The following GMDS variants were observed in gnomAD, a reference collection of about 807,000 sequenced individuals.
GMDS encodes GDP-mannose 4,6 dehydratase.
A neutral mutation model predicts 49.9 loss-of-function variants in GMDS; 20 were observed. The observed-to-expected ratio is 0.40, with a 90% CI of 0.28 to 0.58. The LOEUF (loss-of-function observed/expected upper bound fraction) is 0.58. Among genes scored for constraint, GMDS ranks in the 20% least tolerant of loss-of-function variants. The probability of loss-of-function intolerance (pLI) is 0.42; values close to 1 mark genes in which losing one functional copy is unlikely to be tolerated. For missense variants in GMDS, 362 were observed against 481.4 expected (o/e 0.75, Z 2.32); for synonymous variants, 177 against 178.6 (o/e 0.99, Z 0.07).
intron 4 of GMDS, among the ~76,000 whole-genome samples, chr6:2,060,709 G>C (rs1412891577): frequency 1.3e-5 from 2 of 152,142 alleles, no homozygotes; most frequent in Non-Finnish European, 2.9e-5. Flanking sequence ...ACAAGGTGAG[G>C]GAACACGTCA....
chr6:2,069,978 T>C (rs1008401086), intron 4 of GMDS, among the ~76,000 whole-genome samples: 74 of 151,888 alleles, frequency 4.9e-4, no homozygotes, highest in Admixed American at 5.9e-4. Context: ...CGTATGTTTA[T>C]TGCAGCATTA....
intron 4 of GMDS, among the ~76,000 whole-genome samples, chr6:2,058,981 G>T (rs1485544081): frequency 4.6e-5 from 7 of 152,022 alleles, no homozygotes; most frequent in Admixed American, 4.6e-4. Context: ...TTCAACACCA[G>T]CCTGGCCAAC....
intron 7 of GMDS, among the ~76,000 whole-genome samples, chr6:1,924,049 C>T (rs139219868): frequency 2.0e-5 from 3 of 152,356 alleles, no homozygotes; most frequent in South Asian, 2.1e-4. Context: ...TCCCCAAACA[C>T]ACCCTTTACT....
chr6:1,879,968 A>G (rs1759285261), intron 7 of GMDS, among the ~76,000 whole-genome samples: 1 of 152,176 alleles, frequency 6.6e-6, no homozygotes, highest in African/African-American at 2.4e-5. Flanking sequence ...ATTAACAAAG[A>G]TGATAGGAGA....
At chr6:2,157,006 T>C (rs553423982) in intron 1 of GMDS, among the ~76,000 whole-genome samples, 61 of 152,218 alleles carry the variant, frequency 4.0e-4, no homozygotes, top group Middle Eastern at 3.2e-3. Context: ...TACCTGTGTA[T>C]ATAATAAACT....
At chr6:2,125,347 T>C (rs998524563) in intron 1 of GMDS, among the ~76,000 whole-genome samples, 8 of 152,122 alleles carry the variant, frequency 5.3e-5, no homozygotes, top group Non-Finnish European at 1.0e-4. Context: ...CAGGCTGGTG[T>C]CAAACTCCTG....
chr6:2,004,594 A>C (rs1230286090), intron 4 of GMDS, among the ~76,000 whole-genome samples: 5 of 152,126 alleles, frequency 3.3e-5, no homozygotes, highest in African/African-American at 1.2e-4. Context: ...ACAAAGACAC[A>C]TCCCCTGGGC....
intron 1 of GMDS, among the ~76,000 whole-genome samples, chr6:2,130,235 A>G (rs931923398): frequency 6.6e-6 from 1 of 152,254 alleles, no homozygotes; most frequent in Admixed American, 6.5e-5. Flanking sequence ...ATTAGTAGAA[A>G]GGAAATGAGG....
intron 9 of GMDS, among the ~76,000 whole-genome samples, chr6:1,684,671 T>C (rs916842295): frequency 1.3e-5 from 2 of 152,158 alleles, no homozygotes; most frequent in African/African-American, 4.8e-5. Context: ...GGGGCAGGAC[T>C]GACTACAAAG....
chr6:2,079,302 T>C (rs983054143), intron 4 of GMDS, among the ~76,000 whole-genome samples: 1 of 152,024 alleles, frequency 6.6e-6, no homozygotes, highest in Admixed American at 6.6e-5. Context: ...TGAGGTTTTG[T>C]TCCTATTATA....
At chr6:1,893,280 A>T (rs1055579501) in intron 7 of GMDS, among the ~76,000 whole-genome samples, 1 of 134,586 alleles carries the variant, frequency 7.4e-6, no homozygotes, top group South Asian at 2.3e-4. Flanking sequence ...TGAAACCTCC[A>T]CCTCCCGGGT....
At chr6:1,918,546 GA>G (rs2113897410) in intron 7 of GMDS, among the ~76,000 whole-genome samples, 1 of 151,742 alleles carries the variant, frequency 6.6e-6, no homozygotes, top group Admixed American at 6.6e-5. Flanking sequence ...TGGAGTTCAA[GA>G]CCAGCCTGGG....
At chr6:1,716,279 G>C (rs1766173929) in intron 9 of GMDS, among the ~76,000 whole-genome samples, 1 of 152,196 alleles carries the variant, frequency 6.6e-6, no homozygotes, top group Non-Finnish European at 1.5e-5. Flanking sequence ...TTTAATCACT[G>C]AAACAGCTGG....
chr6:1,698,595 G>A (rs1765427368), intron 9 of GMDS, among the ~76,000 whole-genome samples: 1 of 152,178 alleles, frequency 6.6e-6, no homozygotes. Flanking sequence ...AGCTGAGTCA[G>A]GACCGCTGCT....
rs773218576 is a variant in GMDS at position 2,115,873 on chromosome 6, C to T, written c.243G>A (p.Lys81=). The change falls in exon 4 of 11, where the codon AAG becomes AAA. Residue 81 remains lysine (K), a synonymous_variant. Transcript: ENST00000380815. The part of the protein sequence containing the change: ...NPQAHIEGNM[K]LHYGDLTDST... Reference sequence around the variant, plus strand: ...TGTCAGTGAGATCGCCATAGTGCAACTTCATGTCTTCAGGATACAAAAACA... The same window carrying T: ...TGTCAGTGAGATCGCCATAGTGCAATTTCATGTCTTCAGGATACAAAAACA... The T allele has an allele frequency of 6.4e-7, 1 of 1,559,836 alleles. No homozygotes were observed. The highest frequency in any genetic ancestry group is 1.4e-5 in the African/African-American group (1 of 73,962).
At chr6:1,884,056 C>T (rs1354275730) in intron 7 of GMDS, among the ~76,000 whole-genome samples, 4 of 152,158 alleles carry the variant, frequency 2.6e-5, no homozygotes, top group Middle Eastern at 6.8e-3. Flanking sequence ...ACAATCAGAG[C>T]GAGAGCCTCA....
intron 7 of GMDS, among the ~76,000 whole-genome samples, chr6:1,901,762 G>A (rs191532065): frequency 3.9e-5 from 6 of 152,282 alleles, no homozygotes; most frequent in Admixed American, 2.6e-4. Flanking sequence ...TGTATACTGA[G>A]CTCATCCTAT....
intron 6 of GMDS, among the ~76,000 whole-genome samples, chr6:1,933,907 G>C (rs535519647): frequency 7.9e-5 from 12 of 152,154 alleles, no homozygotes; most frequent in African/African-American, 2.9e-4. Flanking sequence ...GTCTACATTC[G>C]CTTGTGTGGC....
At chr6:1,946,903 C>T (rs1423406995) in intron 6 of GMDS, among the ~76,000 whole-genome samples, 1 of 152,200 alleles carries the variant, frequency 6.6e-6, no homozygotes, top group Non-Finnish European at 1.5e-5. Flanking sequence ...CAATCCCCAT[C>T]CCCCAAATCT....
Sources: gnomAD v4.1 joint callset for allele counts (sites outside exome capture counted in the v4.1 genomes callset) on GRCh38, gnomAD v4.1.1 for gene constraint, MANE v1.5 for transcripts, NCBI Gene and HGNC (gene_info 2026-07-23, HGNC 2026-07-21) for gene names.